SHANK2: variants seen among roughly 807,000 people sequenced by gnomAD.
The protein encoded by SHANK2 is SH3 and multiple ankyrin repeat domains 2.
A neutral mutation model predicts 133.7 loss-of-function variants in SHANK2; 43 were observed. The observed-to-expected ratio is 0.32, with a 90% CI of 0.25 to 0.41. The LOEUF (loss-of-function observed/expected upper bound fraction) is 0.41. SHANK2 is among the 10% of genes least tolerant of loss of function. The probability of loss-of-function intolerance (pLI) is 1.00; values close to 1 mark genes in which losing one functional copy is unlikely to be tolerated. For missense variants in SHANK2, 1,994 were observed against 2,235.8 expected (o/e 0.89, Z 2.18); for synonymous variants, 1,017 against 952.8 (o/e 1.07, Z -1.24).
intron 17 of SHANK2, among the ~76,000 whole-genome samples, chr11:70,557,103 TC>T (rs1481130327): frequency 6.6e-6 from 1 of 152,104 alleles, no homozygotes; most frequent in Non-Finnish European, 1.5e-5. Context: ...CCCAACCACT[TC>T]CATATTTCAA....
intron 2 of SHANK2, among the ~76,000 whole-genome samples, chr11:71,194,618 G>C (rs994288122): frequency 1.3e-5 from 2 of 152,208 alleles, no homozygotes; most frequent in East Asian, 3.8e-4. Flanking sequence ...GGTGTGAAGG[G>C]ACTGAGGAAA....
At position 70,876,613 on chromosome 11, in the gene SHANK2, A is replaced by G. The variant is rs542579430; in HGVS notation, c.1174+19888T>C. Among the ~76,000 whole-genome samples, 91 of 137,560 alleles carry G rather than the reference A, an allele frequency of 6.6e-4. No individual in the cohort carries two copies. In the East Asian group the frequency reaches 0.015, roughly 22 times the overall value. The allele number at this position is 137,560 out of a possible 152,430, so 90.2% of individuals were successfully genotyped here. A position where few individuals can be genotyped will look rare whatever the true frequency, so the allele number is the denominator to read the frequency against. On this transcript the variant is annotated intron_variant, in intron 11 of 25. Transcript: ENST00000601538. ...TACACACACACACACACACACACGC[A>G]CACACACACATGCATACACATGCAT...
intron 17 of SHANK2, among the ~76,000 whole-genome samples, chr11:70,598,873 T>A (rs1196656290): frequency 6.9e-6 from 1 of 144,772 alleles, no homozygotes; most frequent in Non-Finnish European, 1.5e-5. Context: ...TAAATAAAAA[T>A]CTCTTGCACA....
intron 14 of SHANK2, among the ~76,000 whole-genome samples, chr11:70,758,592 C>T (rs1333172929): frequency 6.6e-6 from 1 of 152,172 alleles, no homozygotes; most frequent in Non-Finnish European, 1.5e-5. Flanking sequence ...GCCAAGAACC[C>T]CAGGTCAAGG....
intron 1 of SHANK2, among the ~76,000 whole-genome samples, chr11:71,225,777 A>G (rs535236119): frequency 4.7e-4 from 71 of 152,334 alleles, no homozygotes; most frequent in African/African-American, 1.6e-3. Flanking sequence ...AATAACAGAA[A>G]GCCTCACCAG....
chr11:70,577,141 C>T lies in SHANK2; in HGVS notation c.2062-74210G>A, dbSNP rs571606602. 1.2e-4 allele frequency among the ~76,000 whole-genome samples: 19 copies of T among 152,330 alleles called. No individual in the cohort carries two copies. In the South Asian group the frequency reaches 2.1e-3, roughly 17 times the overall value. On this transcript the variant is annotated intron_variant, in intron 17 of 25. Coordinates refer to ENST00000601538, the MANE Select transcript of SHANK2 (RefSeq NM_012309.5). ...CTCAGTCTGGATACAGTGACACAGA[C>T]GTGACACCGTGGAGCCCAGACAGCC... is the stretch of plus-strand genomic sequence containing the variant.
At chr11:70,903,913 C>T (rs900159974) in intron 10 of SHANK2, among the ~76,000 whole-genome samples, 20 of 152,198 alleles carry the variant, frequency 1.3e-4, no homozygotes, top group African/African-American at 4.8e-4. Context: ...CCCTCCTTCT[C>T]CCCGAAATGC....
chr11:70,826,039 C>T (rs1217155913), intron 11 of SHANK2, among the ~76,000 whole-genome samples: 6 of 152,208 alleles, frequency 3.9e-5, no homozygotes, highest in African/African-American at 1.4e-4. Context: ...ATGGGAGAGC[C>T]GGGAGCAGCT....
chr11:70,874,268 C>CAATCTAATCT lies in SHANK2; in HGVS notation c.1174+22223_1174+22232dup, dbSNP rs1314779349. Among the ~76,000 whole-genome samples the CAATCTAATCT allele has an allele frequency of 5.7e-4, 86 of 152,082 alleles. 3 individuals carry two copies. The highest frequency in any genetic ancestry group is 2.8e-3 in the Admixed American group (43 of 15,272). On this transcript the variant is annotated intron_variant, in intron 11 of 25. Coordinates refer to ENST00000601538, the MANE Select transcript of SHANK2 (RefSeq NM_012309.5). ...GCTATCCCTCTAATCTAATCTAATC[C>CAATCTAATCT]AATCTAATCTAATCTAATCTATCTA...
At chr11:70,693,695 CAG>C (rs1252542242) in intron 15 of SHANK2, among the ~76,000 whole-genome samples, 1 of 152,136 alleles carries the variant, frequency 6.6e-6, no homozygotes, top group African/African-American at 2.4e-5. Context: ...CCAGAATAGT[CAG>C]ATCTTGATAA....
rs940180750 is a variant in SHANK2, at chr11:70,623,133, G to A, written c.2061+36695C>T. 6.6e-5 allele frequency among the ~76,000 whole-genome samples: 10 copies of A among 152,006 alleles called. 1 individual carries two copies. The South Asian group carries it at 1.2e-3, about 19-fold the overall frequency. ...GGAGTTTGCAGTGAGCCAAGATCGC[G>A]CCACTGCACTCCAGCCTGAGTGACA... On this transcript the variant is annotated intron_variant, in intron 17 of 25. Coordinates refer to ENST00000601538, the MANE Select transcript of SHANK2 (RefSeq NM_012309.5).
intron 15 of SHANK2, among the ~76,000 whole-genome samples, chr11:70,687,216 G>A (rs140419917): frequency 0.012 from 1,790 of 152,358 alleles, 8 homozygotes; most frequent in South Asian, 0.031. Flanking sequence ...ACTAAGGCCC[G>A]TGCAGGAAGG....
chr11:70,775,843 G>A (rs1555043822), intron 14 of SHANK2, among the ~76,000 whole-genome samples: 1 of 152,208 alleles, frequency 6.6e-6, no homozygotes, highest in South Asian at 2.1e-4. Context: ...GCCCCCATAA[G>A]CCAATGTTTA....
At chr11:70,892,925 A>C (rs1949872395) in intron 11 of SHANK2, among the ~76,000 whole-genome samples, 1 of 151,964 alleles carries the variant, frequency 6.6e-6, no homozygotes, top group African/African-American at 2.4e-5. Flanking sequence ...TCATGAACAC[A>C]TGTGTACAGC....
intron 17 of SHANK2, among the ~76,000 whole-genome samples, chr11:70,594,305 G>A (rs934429448): frequency 1.3e-5 from 2 of 152,136 alleles, no homozygotes; most frequent in Admixed American, 6.5e-5. Flanking sequence ...GTCCACACAC[G>A]GTTGCCCTTG....
At chr11:70,869,238 G>A (rs1949419947) in intron 11 of SHANK2, among the ~76,000 whole-genome samples, 1 of 152,200 alleles carries the variant, frequency 6.6e-6, no homozygotes, top group African/African-American at 2.4e-5. Flanking sequence ...TAAATGACTT[G>A]TGTAAGCCTC....
At chr11:70,656,491 C>T (rs782196792) in intron 17 of SHANK2, among the ~76,000 whole-genome samples, 6 of 152,152 alleles carry the variant, frequency 3.9e-5, no homozygotes, top group Admixed American at 6.5e-5. Context: ...TTCAACTTCC[C>T]GCCGCCCTGC....
intron 17 of SHANK2, among the ~76,000 whole-genome samples, chr11:70,610,127 G>C (rs1241663975): frequency 6.8e-6 from 1 of 147,170 alleles, no homozygotes; most frequent in Non-Finnish European, 1.5e-5. Context: ...TGGTCACACA[G>C]ACTTGTGAAT....
At position 70,882,679 on chromosome 11, in the gene SHANK2, G is replaced by A. The variant is rs909313588; in HGVS notation, c.1174+13822C>T. ...GAGCACAGGGGTGAGGGGTGGCGGT[G>A]CAGGGAGAGGACGGTGATCCCCACG... On this transcript the variant is annotated intron_variant, in intron 11 of 25. Coordinates refer to ENST00000601538, the MANE Select transcript of SHANK2 (RefSeq NM_012309.5). The surrounding 1 kb of genome is among the most constrained non-coding windows in gnomAD (Gnocchi z 4.2). 6.6e-6 allele frequency among the ~76,000 whole-genome samples: 1 copy of A among 152,180 alleles called. No homozygotes were observed. The highest frequency in any genetic ancestry group is 2.4e-5 in the African/African-American group (1 of 41,438).
Sources: allele counts gnomAD v4.1 joint callset (sites outside exome capture counted in the v4.1 genomes callset), GRCh38; gene constraint gnomAD v4.1.1; non-coding constraint Gnocchi (gnomAD v3.1); transcripts MANE v1.5; gene names NCBI Gene and HGNC (gene_info 2026-07-23, HGNC 2026-07-21).